The following ADGRL2 variants were observed in gnomAD, a reference collection of about 807,000 sequenced individuals.
The protein encoded by ADGRL2 is calcium-independent alpha-latrotoxin receptor 2.
ADGRL2 carries 44 observed loss-of-function variants against 157.4 expected under a neutral mutation model. The observed-to-expected ratio is 0.28, with a 90% CI of 0.22 to 0.36. The LOEUF is 0.36. Among genes scored for constraint, ADGRL2 ranks in the 10% least tolerant of loss-of-function variants. The probability of loss-of-function intolerance (pLI) is 1.00; values close to 1 mark genes in which losing one functional copy is unlikely to be tolerated. For synonymous variants in ADGRL2, 585 were observed against 624.7 expected (o/e 0.94, Z 0.95); for missense variants, 1,510 against 1,768.9 (o/e 0.85, Z 2.63).
chr1:81,324,588 T>TTA (rs1660760785), intron 1 of ADGRL2, among the ~76,000 whole-genome samples: 1 of 150,376 alleles, frequency 6.6e-6, no homozygotes, highest in Non-Finnish European at 1.5e-5. Context: ...ATGTTAAAAA[T>TTA]TATATATACA....
chr1:81,370,860 A>T (rs1021125657), intron 1 of ADGRL2, among the ~76,000 whole-genome samples: 2 of 152,222 alleles, frequency 1.3e-5, no homozygotes, highest in Non-Finnish European at 2.9e-5. Context: ...TACACTAAGA[A>T]TAATAGAATC....
In ADGRL2 at chr1:81,912,670, T is replaced by TAA. The variant is rs111358825; in HGVS notation, c.287+5448_287+5449dup. Reference sequence around the variant, plus strand: ...TTGAGGAGCAGAGGTAAAATTGCCATAAAAAAAAACGGAACAGACGTGGGA... The same window carrying TAA: ...TTGAGGAGCAGAGGTAAAATTGCCATAAAAAAAAAAACGGAACAGACGTGGGA... On this transcript the variant is annotated intron_variant, in intron 3 of 23. Coordinates refer to ENST00000686636, the MANE Select transcript of ADGRL2 (RefSeq NM_001366006.2). Among the ~76,000 whole-genome samples, 12 of 150,520 alleles carry TAA rather than the reference T, an allele frequency of 8.0e-5. No individual in the cohort carries two copies. The South Asian group carries it at 1.1e-3, about 13-fold the overall frequency.
At chr1:81,503,339 T>A in intron 2 of ADGRL2, 1 of 1,614,054 alleles carries the variant, frequency 6.2e-7, no homozygotes, top group Non-Finnish European at 8.5e-7. Flanking sequence ...GTGGTCCACC[T>A]CATCACGGGG....
intron 2 of ADGRL2, among the ~76,000 whole-genome samples, chr1:81,779,296 A>G (rs1478126177): frequency 6.6e-6 from 1 of 152,186 alleles, no homozygotes; most frequent in Non-Finnish European, 1.5e-5. Flanking sequence ...GAACTCTTAG[A>G]AAGGGTGGTC....
chr1:81,373,364 T>G (rs2100999837), intron 1 of ADGRL2, among the ~76,000 whole-genome samples: 1 of 152,292 alleles, frequency 6.6e-6, no homozygotes, highest in Admixed American at 6.5e-5. Flanking sequence ...ACTGGAAATG[T>G]CAAACATTTC....
intron 8 of ADGRL2, 47 bp downstream of exon 8, chr1:81,951,168 A>C (rs562416487): frequency 8.3e-7 from 1 of 1,210,424 alleles, no homozygotes; most frequent in South Asian, 1.2e-5. Context: ...TTAGGGCATT[A>C]ACTTCTAACA....
At chr1:81,499,670 G>A (rs1570290204) in intron 2 of ADGRL2, among the ~76,000 whole-genome samples, 1 of 152,142 alleles carries the variant, frequency 6.6e-6, no homozygotes, top group East Asian at 1.9e-4. Context: ...AATGCAAAAA[G>A]TTAAAAGAGT....
At chr1:81,463,924 C>T (rs2077994880) in intron 2 of ADGRL2, among the ~76,000 whole-genome samples, 1 of 152,022 alleles carries the variant, frequency 6.6e-6, no homozygotes. Flanking sequence ...TTCTTAGGTT[C>T]GTCCTGATAA....
chr1:81,898,733 CT>C (rs1160706019), intron 2 of ADGRL2, among the ~76,000 whole-genome samples: 3 of 152,126 alleles, frequency 2.0e-5, no homozygotes, highest in Non-Finnish European at 4.4e-5. Flanking sequence ...TTTAGGTTTA[CT>C]TTTAACACTA....
intron 2 of ADGRL2, among the ~76,000 whole-genome samples, chr1:81,488,881 A>ATTC (rs2078567224): frequency 1.3e-5 from 2 of 152,204 alleles, no homozygotes; most frequent in Admixed American, 1.3e-4. Context: ...AAAAAACTGA[A>ATTC]TTAAGATAAA....
intron 1 of ADGRL2, among the ~76,000 whole-genome samples, chr1:81,429,255 A>T (rs929686268): frequency 2.0e-5 from 3 of 152,078 alleles, no homozygotes; most frequent in African/African-American, 7.2e-5. Context: ...TTCATTGTGC[A>T]GTTACCTAGA....
chr1:81,404,566 C>T (rs888621647), intron 1 of ADGRL2, among the ~76,000 whole-genome samples: 5 of 152,164 alleles, frequency 3.3e-5, no homozygotes, highest in African/African-American at 1.2e-4. Context: ...AACTTAAGCT[C>T]TCAGCCACTT....
intron 2 of ADGRL2, among the ~76,000 whole-genome samples, chr1:81,524,986 T>C (rs1030036192): frequency 1.3e-5 from 2 of 152,216 alleles, no homozygotes; most frequent in African/African-American, 4.8e-5. Flanking sequence ...AACAAAGTTG[T>C]TTATCTCCAG....
intron 2 of ADGRL2, among the ~76,000 whole-genome samples, chr1:81,478,597 CAA>C (rs1451035689): frequency 6.6e-6 from 1 of 152,152 alleles, no homozygotes; most frequent in Non-Finnish European, 1.5e-5. Flanking sequence ...AAGCCTTAAG[CAA>C]TTCCCAGCAA....
chr1:81,685,992 G>A (rs761499640), intron 3 of ADGRL2, among the ~76,000 whole-genome samples: 3 of 152,168 alleles, frequency 2.0e-5, no homozygotes, highest in Admixed American at 6.5e-5. Flanking sequence ...AAACCCACTT[G>A]ATCATGGTGG....
intron 2 of ADGRL2, among the ~76,000 whole-genome samples, chr1:81,765,575 A>AT (rs922629357): frequency 6.6e-6 from 1 of 151,956 alleles, no homozygotes; most frequent in Non-Finnish European, 1.5e-5. Context: ...CAGCATTCCA[A>AT]TTTTTTCTAA....
intron 1 of ADGRL2, among the ~76,000 whole-genome samples, chr1:81,426,172 G>C (rs541682718): frequency 2.0e-5 from 3 of 152,170 alleles, no homozygotes; most frequent in African/African-American, 7.2e-5. Context: ...TGGACAATAG[G>C]GTGGTTTGAC....
intron 2 of ADGRL2, among the ~76,000 whole-genome samples, chr1:81,850,941 T>G (rs2092983636): frequency 6.6e-6 from 1 of 151,916 alleles, no homozygotes; most frequent in Non-Finnish European, 1.5e-5. Flanking sequence ...AAAACTATTT[T>G]AAATGATTGA....
intron 2 of ADGRL2, chr1:81,580,804 T>C (rs2080892289): frequency 6.6e-6 from 1 of 152,190 alleles, no homozygotes; most frequent in Non-Finnish European, 1.5e-5. Context: ...ATACCTAATT[T>C]GCCTTTTTCG....
Sources: allele counts gnomAD v4.1 joint callset (sites outside exome capture counted in the v4.1 genomes callset), GRCh38; gene constraint gnomAD v4.1.1; transcripts MANE v1.5; gene names NCBI Gene and HGNC (gene_info 2026-07-23, HGNC 2026-07-21).